KIAA0825: variants seen among roughly 807,000 people sequenced by gnomAD.
KIAA0825 encodes uncharacterized protein KIAA0825.
KIAA0825 carries 119 observed loss-of-function variants against 147.6 expected under a neutral mutation model. That is an observed-to-expected ratio of 0.81 (90% CI 0.69 to 0.94). KIAA0825 has a LOEUF of 0.94. Among genes scored for constraint, KIAA0825 ranks in the 40% least tolerant of loss-of-function variants. The pLI is 0.00. For missense variants in KIAA0825, 1,381 were observed against 1,472.7 expected (o/e 0.94, Z 1.02); for synonymous variants, 470 against 518.1 (o/e 0.91, Z 1.26).
intron 20 of KIAA0825, among the ~76,000 whole-genome samples, chr5:94,262,225 A>T (rs1250852486): frequency 6.6e-6 from 1 of 152,106 alleles, no homozygotes; most frequent in Non-Finnish European, 1.5e-5. Flanking sequence ...TAAAGGAAAT[A>T]CAAATTAAAA....
chr5:94,267,170 T>C lies in KIAA0825; in HGVS notation c.3711-113046A>G, dbSNP rs532977691. ...TCCAGGAAGCAATGAGGTGTTCCAC[T>C]GGAGACAAATCAACCGAAGCTCAGT... is the stretch of plus-strand genomic sequence containing the variant. On this transcript the variant is annotated intron_variant, in intron 20 of 20. Transcript: ENST00000682413. 5.4e-4 allele frequency among the ~76,000 whole-genome samples: 82 copies of C among 152,288 alleles called. No individual in the cohort carries two copies. In the Middle Eastern group the frequency reaches 0.01, roughly 19 times the overall value.
intron 20 of KIAA0825, among the ~76,000 whole-genome samples, chr5:94,180,899 A>AC (rs1303892213): frequency 6.6e-6 from 1 of 152,018 alleles, no homozygotes; most frequent in African/African-American, 2.4e-5. Context: ...TATTTGGCCA[A>AC]CCATTATTTG....
intron 20 of KIAA0825, among the ~76,000 whole-genome samples, chr5:94,217,329 A>T (rs898798725): frequency 2.6e-5 from 4 of 152,216 alleles, no homozygotes; most frequent in Non-Finnish European, 1.5e-5. Context: ...GCTTTTACTC[A>T]TACAGATAAA....
intron 1 of KIAA0825, among the ~76,000 whole-genome samples, chr5:94,591,878 G>A (rs1348517530): frequency 6.6e-6 from 1 of 152,114 alleles, no homozygotes; most frequent in Non-Finnish European, 1.5e-5. Context: ...TTGTGCAAAG[G>A]AACTCCCATT....
At chr5:94,189,821 T>G (rs2149997632) in intron 20 of KIAA0825, among the ~76,000 whole-genome samples, 1 of 152,266 alleles carries the variant, frequency 6.6e-6, no homozygotes, top group African/African-American at 2.4e-5. Flanking sequence ...GTTTGAATTT[T>G]AATTGGGATT....
At chr5:94,378,113 CTTTTA>C (rs1027650821) in intron 20 of KIAA0825, among the ~76,000 whole-genome samples, 4 of 152,018 alleles carry the variant, frequency 2.6e-5, no homozygotes, top group African/African-American at 9.7e-5. Context: ...ATTCATTTAA[CTTTTA>C]TTTTAGGTTC....
At chr5:94,471,984 C>G (rs1206325405) in intron 8 of KIAA0825, among the ~76,000 whole-genome samples, 1 of 152,150 alleles carries the variant, frequency 6.6e-6, no homozygotes, top group African/African-American at 2.4e-5. Flanking sequence ...AGGAAAAACT[C>G]ATGAACCAGC....
At chr5:94,227,201 G>A (rs903290186) in intron 20 of KIAA0825, among the ~76,000 whole-genome samples, 1 of 152,168 alleles carries the variant, frequency 6.6e-6, no homozygotes, top group Non-Finnish European at 1.5e-5. Context: ...TATACACCAT[G>A]GAATATTATG....
intron 5 of KIAA0825, among the ~76,000 whole-genome samples, chr5:94,491,635 A>T (rs1763745889): frequency 2.0e-5 from 3 of 152,228 alleles, no homozygotes; most frequent in Admixed American, 2.0e-4. Flanking sequence ...GATGAAATTG[A>T]AACTGTTTTT....
intron 19 of KIAA0825, among the ~76,000 whole-genome samples, chr5:94,385,393 T>C (rs1024149059): frequency 6.6e-6 from 1 of 152,192 alleles, no homozygotes; most frequent in Admixed American, 6.5e-5. Flanking sequence ...CACTACAGTA[T>C]TGATGAGTGT....
In KIAA0825 at chr5:94,332,582, C is replaced by A. The variant is rs533349443; in HGVS notation, c.3710+51786G>T. 5.3e-5 allele frequency among the ~76,000 whole-genome samples: 8 copies of A among 152,254 alleles called. No individual in the cohort carries two copies. The East Asian group carries it at 1.3e-3, about 26-fold the overall frequency. ...TTCCTTTTTATGGCTGCATAGAATT[C>A]CATGTTGTATATGTGCCACATTTTC... On this transcript the variant is annotated intron_variant, in intron 20 of 20. Transcript: ENST00000682413.
intron 20 of KIAA0825, among the ~76,000 whole-genome samples, chr5:94,211,394 A>G (rs563380188): frequency 1.3e-5 from 2 of 152,212 alleles, no homozygotes; most frequent in South Asian, 4.2e-4. Flanking sequence ...ATGAGTGACT[A>G]TCTTCTGGTG....
intron 20 of KIAA0825, among the ~76,000 whole-genome samples, chr5:94,222,847 A>G (rs1306157902): frequency 1.3e-5 from 2 of 152,194 alleles, no homozygotes; most frequent in African/African-American, 4.8e-5. Flanking sequence ...TTTTTATTGT[A>G]TATATTTAAG....
intron 12 of KIAA0825, among the ~76,000 whole-genome samples, chr5:94,461,785 A>ACAATT (rs1310303974): frequency 2.0e-5 from 3 of 151,938 alleles, no homozygotes; most frequent in Non-Finnish European, 2.9e-5. Context: ...AATAAAAGTG[A>ACAATT]CAATTTTGGA....
intron 15 of KIAA0825, chr5:94,416,560 G>T (rs1279624325): frequency 1.3e-5 from 2 of 152,114 alleles, no homozygotes; most frequent in Admixed American, 6.5e-5. Flanking sequence ...AAATTTAAAG[G>T]CAGAATATTA....
Position 94,177,521 on chromosome 5 carries a change from A to G in KIAA0825, c.3711-23397T>C, listed in dbSNP as rs531288816. Among the ~76,000 whole-genome samples, 5 of 152,226 alleles carry G rather than the reference A, an allele frequency of 3.3e-5. No homozygotes were observed. In the South Asian group the frequency reaches 1.0e-3, roughly 32 times the overall value. On this transcript the variant is annotated intron_variant, in intron 20 of 20. Transcript: ENST00000682413. ...TTTCATAGAGAACAGCCACTTCTAA[A>G]ACCCCCTAAATTCCTCTAAGCTTTG... is the stretch of plus-strand genomic sequence containing the variant.
intron 16 of KIAA0825, among the ~76,000 whole-genome samples, chr5:94,402,062 C>T (rs777382188): frequency 2.6e-5 from 4 of 152,154 alleles, no homozygotes; most frequent in Non-Finnish European, 4.4e-5. Flanking sequence ...TTTCTTCCAT[C>T]ACTTTCTTTT....
At chr5:94,590,392 C>A (rs1194344051) in intron 1 of KIAA0825, among the ~76,000 whole-genome samples, 2 of 152,058 alleles carry the variant, frequency 1.3e-5, no homozygotes, top group Non-Finnish European at 2.9e-5. Context: ...ATTCATTATC[C>A]CAAGCCAAAT....
intron 5 of KIAA0825, among the ~76,000 whole-genome samples, chr5:94,496,813 T>C (rs1764421151): frequency 6.6e-6 from 1 of 152,016 alleles, no homozygotes; most frequent in African/African-American, 2.4e-5. Flanking sequence ...GGTTGCCAGG[T>C]GGAGGTTGTT....
Sources: gnomAD v4.1 joint callset for allele counts (sites outside exome capture counted in the v4.1 genomes callset) on GRCh38, gnomAD v4.1.1 for gene constraint, MANE v1.5 for transcripts, NCBI Gene and HGNC (gene_info 2026-07-23, HGNC 2026-07-21) for gene names.